The following ATOSA variants were observed in gnomAD, a reference collection of about 807,000 sequenced individuals.
ATOSA encodes the protein atos homolog protein A.
At chr15:52,615,088 T>A in the ATOSA span, among the ~76,000 whole-genome samples, 1 of 152,162 alleles carries the variant, frequency 6.6e-6, no homozygotes, top group East Asian at 1.9e-4. Flanking sequence ...TTCATAGTCA[T>A]GGGGTCCTCT....
chr15:52,634,463 A>C, the ATOSA span, among the ~76,000 whole-genome samples: 1 of 152,210 alleles, frequency 6.6e-6, no homozygotes, highest in Non-Finnish European at 1.5e-5. Flanking sequence ...AGCGGATTTA[A>C]GCCCATCTAT....
At chr15:52,591,113 A>G in the ATOSA span, among the ~76,000 whole-genome samples, 2 of 152,204 alleles carry the variant, frequency 1.3e-5, no homozygotes, top group African/African-American at 4.8e-5. Flanking sequence ...CTTGCTCATT[A>G]ATTTCCATCA....
the ATOSA span, among the ~76,000 whole-genome samples, chr15:52,652,526 A>C: frequency 2.6e-5 from 4 of 152,192 alleles, no homozygotes. Flanking sequence ...TTTTACAACA[A>C]ACTTCACAAA....
chr15:52,594,302 G>A, the ATOSA span, among the ~76,000 whole-genome samples: 136,700 of 152,274 alleles, frequency 0.9, 61,419 homozygotes, highest in East Asian at 1. Flanking sequence ...AAAAAGTTTA[G>A]AAGTACAGAA....
At chr15:52,680,994 G>A in the ATOSA span, among the ~76,000 whole-genome samples, 1 of 152,198 alleles carries the variant, frequency 6.6e-6, no homozygotes, top group Non-Finnish European at 1.5e-5. Context: ...TGAACAGGCA[G>A]CAAAATCTGG....
At chr15:52,685,248 T>C in the ATOSA span, among the ~76,000 whole-genome samples, 1 of 152,134 alleles carries the variant, frequency 6.6e-6, no homozygotes, top group Non-Finnish European at 1.5e-5. Flanking sequence ...TAATCTTTTC[T>C]TTTTTTGTTT....
chr15:52,639,212 G>C, the ATOSA span, among the ~76,000 whole-genome samples: 4 of 151,998 alleles, frequency 2.6e-5, no homozygotes, highest in African/African-American at 9.7e-5. Context: ...GACTAGATTA[G>C]TTACTAGAAG....
the ATOSA span, among the ~76,000 whole-genome samples, chr15:52,647,980 A>AT: frequency 6.6e-6 from 1 of 152,152 alleles, no homozygotes; most frequent in Non-Finnish European, 1.5e-5. Flanking sequence ...TTTCCAGTTA[A>AT]TGAAGTACCT....
At chr15:52,583,311 C>T in the ATOSA span, among the ~76,000 whole-genome samples, 2 of 152,202 alleles carry the variant, frequency 1.3e-5, no homozygotes, top group African/African-American at 4.8e-5. Flanking sequence ...GGAATGCTGT[C>T]AAATGCAAGT....
At chr15:52,670,941 C>T in the ATOSA span, among the ~76,000 whole-genome samples, 1 of 152,132 alleles carries the variant, frequency 6.6e-6, no homozygotes, top group African/African-American at 2.4e-5. Flanking sequence ...AACTCTAAAT[C>T]CTTTGAGTTT....
the ATOSA span, among the ~76,000 whole-genome samples, chr15:52,654,702 A>C: frequency 6.6e-6 from 1 of 152,138 alleles, no homozygotes; most frequent in Non-Finnish European, 1.5e-5. Flanking sequence ...TAAAAACAAA[A>C]CTATGTTTTC....
the ATOSA span, among the ~76,000 whole-genome samples, chr15:52,699,177 A>T: frequency 6.6e-6 from 1 of 152,148 alleles, no homozygotes; most frequent in African/African-American, 2.4e-5. Flanking sequence ...GCACCATGAC[A>T]AGGTTAGCCT....
chr15:52,662,166 A>AT, the ATOSA span, among the ~76,000 whole-genome samples: 40 of 151,568 alleles, frequency 2.6e-4, no homozygotes, highest in African/African-American at 8.7e-4. Context: ...TATGACCACC[A>AT]TTTTTTTTTA....
chr15:52,669,586 T>C, the ATOSA span, among the ~76,000 whole-genome samples: 4 of 152,368 alleles, frequency 2.6e-5, no homozygotes, highest in Admixed American at 1.3e-4. Flanking sequence ...TTTCAGATAC[T>C]GACGCTAAAT....
At chr15:52,696,923 G>A in the ATOSA span, among the ~76,000 whole-genome samples, 744 of 151,720 alleles carry the variant, frequency 4.9e-3, 10 homozygotes, top group African/African-American at 0.018. Context: ...ATAGCCAAAG[G>A]GGTTCAAGGC....
At chr15:52,596,821 A>G in the ATOSA span, among the ~76,000 whole-genome samples, 1 of 152,372 alleles carries the variant, frequency 6.6e-6, no homozygotes, top group South Asian at 2.1e-4. Context: ...CATAAAGAAA[A>G]TTCGACATCA....
At chr15:52,634,659 T>C in the ATOSA span, among the ~76,000 whole-genome samples, 1 of 150,192 alleles carries the variant, frequency 6.7e-6, no homozygotes, top group Non-Finnish European at 1.5e-5. Flanking sequence ...TGGAGTGCAG[T>C]GGCGCGATCT....
chr15:52,636,354 C>T, the ATOSA span, among the ~76,000 whole-genome samples: 7 of 152,030 alleles, frequency 4.6e-5, no homozygotes, highest in African/African-American at 1.7e-4. Flanking sequence ...GTGCTATGGG[C>T]TAAATTGTGT....
the ATOSA span, chr15:52,608,793 G>A: frequency 3.1e-6 from 5 of 1,602,712 alleles, no homozygotes. Flanking sequence ...GCCTTTTTGA[G>A]TCTTTATTTG....
Sources: allele counts gnomAD v4.1 joint callset (sites outside exome capture counted in the v4.1 genomes callset), GRCh38; gene constraint gnomAD v4.1.1; transcripts MANE v1.5; gene names NCBI Gene and HGNC (gene_info 2026-07-23, HGNC 2026-07-21).